MBNL2: variants seen among roughly 807,000 people sequenced by gnomAD.
The protein encoded by MBNL2 is muscleblind-like protein 2.
In MBNL2, 17 loss-of-function variants were observed where a neutral mutation model predicts 41.9. The observed-to-expected ratio is 0.41, with a 90% CI of 0.28 to 0.61. The LOEUF (loss-of-function observed/expected upper bound fraction) is 0.61, where lower values mean the gene tolerates loss of function less well. Among genes scored for constraint, MBNL2 ranks in the 20% least tolerant of loss-of-function variants. The pLI is 0.35. For synonymous variants in MBNL2, 195 were observed against 182.9 expected, an observed-to-expected ratio of 1.07 and a Z score of -0.53; for missense variants, 336 against 505.6, an observed-to-expected ratio of 0.66 and a Z score of 3.22.
In MBNL2 at chr13:97,334,265, T is replaced by C. The variant is rs1319284813; in HGVS notation, c.175-11T>C. On this transcript the variant is annotated splice_polypyrimidine_tract_variant and intron_variant, in intron 2 of 8. Coordinates refer to ENST00000679496, the MANE Select transcript of MBNL2 (RefSeq NM_001382683.1). This position sits in a 1 kb window ranked among gnomAD's most constrained non-coding sequence, Gnocchi z 5.3. ...TTAAAATAGTCCTAAAACCAACACT[T>C]GTTTTTACAGGGCCGTTGTTCGAGA... 1.2e-6 allele frequency: 2 copies of C among 1,603,152 alleles called. No individual in the cohort carries two copies. Among genetic ancestry groups the C allele is most frequent in the African/African-American group, 2.7e-5 (2 of 74,210 alleles).
chr13:97,209,888 T>G, the MBNL2 span, among the ~76,000 whole-genome samples: 1 of 152,168 alleles, frequency 6.6e-6, no homozygotes, highest in Admixed American at 6.5e-5. Context: ...CTCCGCCTCC[T>G]GGGTTCAAGC....
At chr13:97,251,834 C>CT (rs869034692) in intron 1 of MBNL2, among the ~76,000 whole-genome samples, 1,199 of 69,628 alleles carry the variant, frequency 0.017, 264 homozygotes, top group South Asian at 0.036. Context: ...ATCCTCAATT[C>CT]TTTTTTTTTT....
intron 2 of MBNL2, among the ~76,000 whole-genome samples, chr13:97,291,453 G>A (rs2055953753): frequency 6.6e-6 from 1 of 152,054 alleles, no homozygotes; most frequent in Non-Finnish European, 1.5e-5. Context: ...GTGTTAGCCA[G>A]GATGGTCTCA....
the MBNL2 span, among the ~76,000 whole-genome samples, chr13:97,178,120 G>A: frequency 9.8e-3 from 1,498 of 152,280 alleles, 20 homozygotes; most frequent in African/African-American, 0.02. Context: ...GTCAATGGAA[G>A]TAAATCCACA....
rs1449939855 is a variant in MBNL2 at position 97,346,648 on chromosome 13, T to C, written c.541-156T>C. ...CAAATGACTGTGTCAGAGATTGTGG[T>C]TACCTGGGCTCCGCATAATCAATCT... is the stretch of plus-strand genomic sequence containing the variant. On this transcript the variant is annotated intron_variant, in intron 4 of 8. Transcript: ENST00000679496. This position sits in a 1 kb window ranked among gnomAD's most constrained non-coding sequence, Gnocchi z 4.2. Among the ~76,000 whole-genome samples the C allele has an allele frequency of 6.6e-6, 1 of 152,238 alleles. No homozygotes were observed. Among genetic ancestry groups the C allele is most frequent in the Non-Finnish European group, 1.5e-5 (1 of 68,032 alleles).
At chr13:97,198,208 C>T in the MBNL2 span, among the ~76,000 whole-genome samples, 1 of 152,090 alleles carries the variant, frequency 6.6e-6, no homozygotes, top group African/African-American at 2.4e-5. Context: ...AGTTGAAGCC[C>T]TGAGTAGAGC....
intron 8 of MBNL2, among the ~76,000 whole-genome samples, chr13:97,387,057 A>T (rs1199952593): frequency 6.6e-6 from 1 of 151,416 alleles, no homozygotes; most frequent in Non-Finnish European, 1.5e-5. Context: ...AATTGAAAAT[A>T]ATGCTTGCAG....
chr13:97,167,356 T>C, the MBNL2 span, among the ~76,000 whole-genome samples: 2 of 150,300 alleles, frequency 1.3e-5, no homozygotes, highest in African/African-American at 2.5e-5. Context: ...ATCATCGTTG[T>C]CCAAACATGG....
In MBNL2 at chr13:97,346,360, A is replaced by G. The variant is rs2153087233; in HGVS notation, c.541-444A>G. On this transcript the variant is annotated intron_variant, in intron 4 of 8. Coordinates refer to ENST00000679496, the MANE Select transcript of MBNL2 (RefSeq NM_001382683.1). This position sits in a 1 kb window ranked among gnomAD's most constrained non-coding sequence, Gnocchi z 4.2. ...ATGATAGATAATAGATGATGGATGA[A>G]TGAACAGGTGGATAGATGATTGGAT... 6.6e-6 allele frequency among the ~76,000 whole-genome samples: 1 copy of G among 152,214 alleles called. No homozygotes were observed. Among genetic ancestry groups the G allele is most frequent in the East Asian group, 1.9e-4 (1 of 5,184 alleles).
chr13:97,248,024 C>G (rs1332823649), intron 1 of MBNL2, among the ~76,000 whole-genome samples: 1 of 152,192 alleles, frequency 6.6e-6, no homozygotes, highest in East Asian at 1.9e-4. Context: ...GGCAAATACT[C>G]CTTTCCATAT....
At chr13:97,379,604 G>A (rs1183445638) in intron 8 of MBNL2, among the ~76,000 whole-genome samples, 3 of 133,234 alleles carry the variant, frequency 2.3e-5, no homozygotes, top group African/African-American at 8.4e-5. Flanking sequence ...AGCAAACGGG[G>A]ATCTTAATGA....
At chr13:97,356,431 T>G (rs75590612) in intron 5 of MBNL2, among the ~76,000 whole-genome samples, 7 of 149,776 alleles carry the variant, frequency 4.7e-5, no homozygotes, top group Middle Eastern at 6.8e-3. Flanking sequence ...CATTTTTTTT[T>G]CTGAAGCAAT....
At chr13:97,224,741 AT>A (rs2041346973) in intron 1 of MBNL2, among the ~76,000 whole-genome samples, 1 of 152,062 alleles carries the variant, frequency 6.6e-6, no homozygotes, top group African/African-American at 2.4e-5. Context: ...ACCTTAGAGT[AT>A]TAAGATACAT....
chr13:97,351,023 G>C (rs532503456), intron 5 of MBNL2, among the ~76,000 whole-genome samples: 2 of 152,176 alleles, frequency 1.3e-5, no homozygotes, highest in Non-Finnish European at 2.9e-5. Flanking sequence ...TGTATTTCTC[G>C]ATTAATAAGA....
chr13:97,366,481 G>A lies in MBNL2; in HGVS notation c.1048+1310G>A, dbSNP rs768328930. 10 of 1,608,790 alleles carry A rather than the reference G, an allele frequency of 6.2e-6. No homozygotes were observed. Among genetic ancestry groups the A allele is most frequent in the African/African-American group, 2.7e-5 (2 of 74,686 alleles). On this transcript the variant is annotated intron_variant, in intron 8 of 8. Transcript: ENST00000679496. The surrounding 1 kb of genome is among the most constrained non-coding windows in gnomAD (Gnocchi z 4.7). ...AAGTACCCATGATGCACAGCGCTAC[G>A]TCCGCCACTGTCTCTGCAGCAACAA... is the stretch of plus-strand genomic sequence containing the variant.
At chr13:97,162,884 T>C in the MBNL2 span, among the ~76,000 whole-genome samples, 1 of 152,134 alleles carries the variant, frequency 6.6e-6, no homozygotes. Flanking sequence ...GTGAGAGAGA[T>C]AGGAGAGTCA....
rs151265554 is a variant in MBNL2 at position 97,388,586 on chromosome 13, C to T, written c.1049-2736C>T. ...TCCTCCTGTCCTGTGGGTGGTCTTC[C>T]GGCTAGATCTGTCCCACACTCCCCT... is the stretch of plus-strand genomic sequence containing the variant. On this transcript the variant is annotated intron_variant, in intron 8 of 8. Transcript: ENST00000679496. Among the ~76,000 whole-genome samples the T allele has an allele frequency of 3.1e-3, 473 of 152,160 alleles. 2 individuals are homozygous for T. The highest frequency in any genetic ancestry group is 4.3e-3 in the Admixed American group (66 of 15,270).
At chr13:97,307,905 G>A (rs767037769) in intron 2 of MBNL2, among the ~76,000 whole-genome samples, 3 of 152,182 alleles carry the variant, frequency 2.0e-5, no homozygotes, top group African/African-American at 4.8e-5. Context: ...TGAGTCAAAC[G>A]CTGTGCACTC....
At chr13:97,299,910 T>C (rs920060388) in intron 2 of MBNL2, among the ~76,000 whole-genome samples, 2 of 152,226 alleles carry the variant, frequency 1.3e-5, no homozygotes, top group African/African-American at 4.8e-5. Context: ...TTTAACCATA[T>C]GGCCTAAACC....
Sources: allele counts gnomAD v4.1 joint callset (sites outside exome capture counted in the v4.1 genomes callset), GRCh38; gene constraint gnomAD v4.1.1; non-coding constraint Gnocchi (gnomAD v3.1); transcripts MANE v1.5; gene names NCBI Gene and HGNC (gene_info 2026-07-23, HGNC 2026-07-21).